Variants in MARCHF1 observed in about 807,000 individuals in gnomAD.
The protein encoded by MARCHF1 is E3 ubiquitin-protein ligase MARCHF1.
In MARCHF1, 40 loss-of-function variants were observed where a neutral mutation model predicts 54.2. The observed-to-expected ratio is 0.74, with a 90% CI of 0.57 to 0.96. The LOEUF (loss-of-function observed/expected upper bound fraction) is 0.96, where lower values mean the gene tolerates loss of function less well. MARCHF1 is among the 40% of genes least tolerant of loss of function. MARCHF1 has a pLI of 0.00. For synonymous variants in MARCHF1, 236 were observed against 236.3 expected, an observed-to-expected ratio of 1.00 and a Z score of 0.01; for missense variants, 586 against 656.5, an observed-to-expected ratio of 0.89 and a Z score of 1.17.
intron 1 of MARCHF1, among the ~76,000 whole-genome samples, chr4:164,192,435 G>A (rs1731147124): frequency 6.6e-6 from 1 of 152,166 alleles, no homozygotes; most frequent in African/African-American, 2.4e-5. Flanking sequence ...GCCCTCATAA[G>A]AGAGTCAATC....
chr4:164,233,878 A>C (rs1355076593), intron 1 of MARCHF1, among the ~76,000 whole-genome samples: 1 of 152,202 alleles, frequency 6.6e-6, no homozygotes, highest in Non-Finnish European at 1.5e-5. Context: ...GTGACATAAA[A>C]TCTAAATGTA....
chr4:163,879,991 CA>C (rs1750379741), intron 3 of MARCHF1, among the ~76,000 whole-genome samples: 2 of 152,008 alleles, frequency 1.3e-5, no homozygotes, highest in South Asian at 4.2e-4. Flanking sequence ...AACAGCTGCC[CA>C]TGATGGCTAA....
intron 4 of MARCHF1, among the ~76,000 whole-genome samples, chr4:163,780,287 G>A (rs1747426694): frequency 6.6e-6 from 1 of 152,184 alleles, no homozygotes. Flanking sequence ...GGTGTGCATG[G>A]AAAGCTGTCA....
intron 4 of MARCHF1, among the ~76,000 whole-genome samples, chr4:163,744,076 C>G (rs1746287410): frequency 6.6e-6 from 1 of 152,138 alleles, no homozygotes; most frequent in Admixed American, 6.5e-5. Flanking sequence ...ATTTTCAAAT[C>G]AGTTTCTATT....
chr4:164,226,939 C>A (rs1285545317), intron 1 of MARCHF1, among the ~76,000 whole-genome samples: 1 of 151,986 alleles, frequency 6.6e-6, no homozygotes, highest in Non-Finnish European at 1.5e-5. Flanking sequence ...GTGGATTAAA[C>A]TAAAAGTAAT....
chr4:164,074,204 A>T lies in MARCHF1; in HGVS notation c.-248+37384T>A, dbSNP rs76348866. ...CATGCCAATAACCTGTAATCAGGGG[A>T]TACCTGAAGCCTTCCCTTTCCTTCA... is the stretch of plus-strand genomic sequence containing the variant. On this transcript the variant is annotated intron_variant, in intron 2 of 9. Coordinates refer to ENST00000514618, the MANE Select transcript of MARCHF1 (RefSeq NM_001394959.1). 2.9e-3 allele frequency among the ~76,000 whole-genome samples: 441 copies of T among 152,312 alleles called. 1 individual carries two copies. Among genetic ancestry groups the T allele is most frequent in the Non-Finnish European group, 5.4e-3 (365 of 68,020 alleles).
In MARCHF1 at chr4:163,765,209, G is replaced by GA. The variant is rs541976548; in HGVS notation, c.112-64347dup. On this transcript the variant is annotated intron_variant, in intron 4 of 9. Transcript: ENST00000514618. ...TGATTGTTAGAATTAAGATAGCAGA[G>GA]AAAATGTTAATAATGAAGATTAAAC... Among the ~76,000 whole-genome samples, 40 of 152,146 alleles carry GA rather than the reference G, an allele frequency of 2.6e-4. 2 individuals are homozygous for GA. In the South Asian group the frequency reaches 8.1e-3, roughly 31 times the overall value.
At chr4:164,305,731 G>A (rs899166005) in intron 1 of MARCHF1, among the ~76,000 whole-genome samples, 4 of 152,036 alleles carry the variant, frequency 2.6e-5, no homozygotes, top group African/African-American at 9.7e-5. Context: ...GTAACACACA[G>A]TATTTTCAAA....
At chr4:164,352,135 T>C (rs1165323622) in intron 1 of MARCHF1, among the ~76,000 whole-genome samples, 2 of 128,436 alleles carry the variant, frequency 1.6e-5, no homozygotes, top group African/African-American at 2.7e-5. Flanking sequence ...CTACGTCTGA[T>C]TGATGTACCT....
chr4:163,565,535 C>T (rs1191852655), intron 8 of MARCHF1, among the ~76,000 whole-genome samples: 2 of 152,060 alleles, frequency 1.3e-5, no homozygotes, highest in African/African-American at 2.4e-5. Context: ...AAAACGAATC[C>T]CACAGCAAGG....
At chr4:163,923,800 A>G (rs1010454959) in intron 3 of MARCHF1, among the ~76,000 whole-genome samples, 6 of 151,876 alleles carry the variant, frequency 4.0e-5, no homozygotes, top group African/African-American at 1.2e-4. Context: ...AGTAAAAGAA[A>G]ATTTAAATCA....
chr4:164,143,645 C>T (rs1045990380), intron 1 of MARCHF1, among the ~76,000 whole-genome samples: 1 of 152,146 alleles, frequency 6.6e-6, no homozygotes, highest in Admixed American at 6.6e-5. Context: ...CACCACCAGG[C>T]CTGCCCTAAA....
At chr4:163,988,211 C>A (rs1752906523) in intron 3 of MARCHF1, among the ~76,000 whole-genome samples, 1 of 152,142 alleles carries the variant, frequency 6.6e-6, no homozygotes, top group Admixed American at 6.6e-5. Context: ...AACCCACAAG[C>A]CATAAAAGTC....
chr4:163,778,077 T>A (rs1293433602), intron 4 of MARCHF1, among the ~76,000 whole-genome samples: 1 of 152,208 alleles, frequency 6.6e-6, no homozygotes, highest in East Asian at 1.9e-4. Context: ...GAATCATTCA[T>A]GTTGTTGCAT....
intron 9 of MARCHF1, among the ~76,000 whole-genome samples, chr4:163,533,438 A>G (rs886379884): frequency 1.3e-5 from 2 of 151,886 alleles, no homozygotes; most frequent in Admixed American, 6.6e-5. Flanking sequence ...ACAGGACGTT[A>G]CACGTTTGTC....
At chr4:163,698,387 C>T (rs1318775932) in intron 5 of MARCHF1, among the ~76,000 whole-genome samples, 1 of 152,132 alleles carries the variant, frequency 6.6e-6, no homozygotes, top group Non-Finnish European at 1.5e-5. Context: ...GACTCAACAA[C>T]ATATTTAGCA....
chr4:163,977,115 T>C (rs1752663878), intron 3 of MARCHF1, among the ~76,000 whole-genome samples: 1 of 151,728 alleles, frequency 6.6e-6, no homozygotes, highest in Non-Finnish European at 1.5e-5. Context: ...TCAATAATTA[T>C]TAGCTAGAAC....
intron 2 of MARCHF1, among the ~76,000 whole-genome samples, chr4:164,046,405 G>A (rs1358755665): frequency 6.6e-6 from 1 of 152,208 alleles, no homozygotes; most frequent in Non-Finnish European, 1.5e-5. Flanking sequence ...CATAATAGGT[G>A]CATACTTCCA....
chr4:163,678,372 C>G (rs917518039), intron 5 of MARCHF1, among the ~76,000 whole-genome samples: 4 of 152,130 alleles, frequency 2.6e-5, no homozygotes, highest in Non-Finnish European at 5.9e-5. Flanking sequence ...GGTATAGCTT[C>G]CATTTCATTA....
Sources: gnomAD v4.1 joint callset for allele counts (sites outside exome capture counted in the v4.1 genomes callset) on GRCh38, gnomAD v4.1.1 for gene constraint, MANE v1.5 for transcripts, NCBI Gene and HGNC (gene_info 2026-07-23, HGNC 2026-07-21) for gene names.